The following STEAP4 variants were observed in gnomAD, a reference collection of about 807,000 sequenced individuals.
The protein encoded by STEAP4 is metalloreductase STEAP4.
STEAP4 carries 36 observed loss-of-function variants against 43.6 expected under a neutral mutation model. The observed-to-expected ratio is 0.83, with a 90% confidence interval of 0.63 to 1.09. The LOEUF is 1.09. STEAP4 is among the 50% of genes least tolerant of loss of function. The pLI is 0.00. For synonymous variants in STEAP4, 191 were observed against 196.7 expected (o/e 0.97, Z 0.24); for missense variants, 495 against 546.5 (o/e 0.91, Z 0.94).
chr7:88,282,464 G>C, intron 3 of STEAP4, 177 bp downstream of exon 3: 1 of 698,664 alleles, frequency 1.4e-6, no homozygotes, highest in Non-Finnish European at 2.3e-6. Context: ...ATTCTTAATA[G>C]TTGTATGAGA....
Position 88,279,467 on chromosome 7 carries a change from T to G in STEAP4, c.1311A>C (p.Leu437=). 6.2e-7 allele frequency: 1 copy of G among 1,614,124 alleles called. No homozygotes were observed. The highest frequency in any genetic ancestry group is 1.3e-5 in the African/African-American group (1 of 75,024). ...GGGTGTTGTCTACACATGGCATGAT[T>G]AGGACAAACTTGATCACCAGCACAG... ...PCTVLVIKFV[L]IMPCVDNTLT... is the part of the protein sequence containing the mutation. The change falls in exon 5 of 5, where the codon CTA becomes CTC. Residue 437 remains leucine (L), a synonymous_variant. Coordinates refer to ENST00000380079, the MANE Select transcript of STEAP4 (RefSeq NM_024636.4).
chr7:88,288,240 G>C (rs1298729379), intron 1 of STEAP4, among the ~76,000 whole-genome samples: 1 of 152,162 alleles, frequency 6.6e-6, no homozygotes, highest in African/African-American at 2.4e-5. Context: ...CTGTGATCTT[G>C]GCTCACTGCA....
At chr7:88,293,579 T>C (rs1852876571) in intron 1 of STEAP4, among the ~76,000 whole-genome samples, 1 of 152,186 alleles carries the variant, frequency 6.6e-6, no homozygotes, top group African/African-American at 2.4e-5. Flanking sequence ...GTTTTACTTA[T>C]AAGTCTATGA....
At chr7:88,281,380 T>G in intron 3 of STEAP4, 1 of 206,188 alleles carries the variant, frequency 4.8e-6, no homozygotes, top group Non-Finnish European at 9.6e-6. Context: ...CTGCATTTTG[T>G]TCCCCAAGCA....
At position 88,273,731 on chromosome 7, in the gene STEAP4, T is replaced by G. The variant is rs544218476; in HGVS notation, c.*5667A>C. ...GACTGCCCCTTCGAGTCCTCAGGTC[T>G]GGGGATTTTACCTCCCTCCACCAGA... On this transcript the variant is annotated 3_prime_UTR_variant, in exon 5 of 5. Coordinates refer to ENST00000380079, the MANE Select transcript of STEAP4 (RefSeq NM_024636.4). 1.3e-5 allele frequency: 2 copies of G among 152,178 alleles called. No homozygotes were observed. The highest frequency in any genetic ancestry group is 4.8e-5 in the African/African-American group (2 of 41,462). The allele number at this position is 152,178 out of a possible 1,614,324, so 9.4% of individuals were successfully genotyped here. A position where few individuals can be genotyped will look rare whatever the true frequency, so the allele number is the denominator to read the frequency against.
chr7:88,286,782 C>CACAT (rs1852743449), intron 1 of STEAP4, among the ~76,000 whole-genome samples: 1 of 147,804 alleles, frequency 6.8e-6, no homozygotes, highest in Middle Eastern at 3.4e-3. Context: ...CACACACACA[C>CACAT]ACACACACAC....
At position 88,271,552 on chromosome 7, in the gene STEAP4, T is replaced by C. The variant is rs1852439084; in HGVS notation, c.*7846A>G. On this transcript the variant is annotated 3_prime_UTR_variant, in exon 5 of 5. Transcript: ENST00000380079. ...AAAGCATCATAGTTTCCTTAACCAG[T>C]CCCAAAGATGAATGCTTGAATCACT... 1 of 152,228 alleles carries C rather than the reference T, an allele frequency of 6.6e-6. No homozygotes were observed. The allele number at this position is 152,228 out of a possible 1,614,324, so 9.4% of individuals were successfully genotyped here. A position where few individuals can be genotyped will look rare whatever the true frequency, so the allele number is the denominator to read the frequency against.
chr7:88,294,675 C>A (rs1586751237), intron 1 of STEAP4, among the ~76,000 whole-genome samples: 1 of 152,052 alleles, frequency 6.6e-6, no homozygotes, highest in East Asian at 1.9e-4. Flanking sequence ...CTAACCATAT[C>A]TCTTCTAAAT....
At position 88,279,567 on chromosome 7, in the gene STEAP4, T is replaced by C; in HGVS notation, c.1211A>G (p.Lys404Arg). 6.2e-7 allele frequency: 1 copy of C among 1,613,784 alleles called. No individual in the cohort carries two copies. The highest frequency in any genetic ancestry group is 8.5e-7 in the Non-Finnish European group (1 of 1,179,790). Reference protein sequence around the residue: ...CTAHTLVYGGKRFLSPSNLRW... With the variant: ...CTAHTLVYGGRRFLSPSNLRW... ...GAGATTTGAAGGGCTGAGGAATCTC[T>C]TCCCACCGTACACCAGGGTGTGGGC... Residue 404 changes from lysine (K) to arginine (R), a missense_variant, in exon 5 of 5, where the codon AAG becomes AGG. Coordinates refer to ENST00000380079, the MANE Select transcript of STEAP4 (RefSeq NM_024636.4).
At position 88,302,271 on chromosome 7, in the gene STEAP4, G is replaced by C. The variant is rs535888829; in HGVS notation, c.-3+4521C>G. 7.9e-5 allele frequency among the ~76,000 whole-genome samples: 12 copies of C among 152,318 alleles called. No individual in the cohort carries two copies. In the South Asian group the frequency reaches 2.5e-3, roughly 32 times the overall value. ...TTTATTGAATAGCCACACTAAGAGG[G>C]ATAAAGTGAGAAACGAGATGGACCC... On this transcript the variant is annotated intron_variant, in intron 1 of 4. Transcript: ENST00000380079.
intron 3 of STEAP4, 119 bp downstream of exon 3, chr7:88,282,522 A>T: frequency 2.1e-6 from 2 of 938,624 alleles, no homozygotes; most frequent in Non-Finnish European, 3.1e-6. Context: ...TTCTAATTCT[A>T]GTTACTTTAA....
intron 1 of STEAP4, among the ~76,000 whole-genome samples, chr7:88,302,941 G>C (rs1156881480): frequency 8.6e-6 from 1 of 116,172 alleles, no homozygotes; most frequent in Non-Finnish European, 1.6e-5. Flanking sequence ...GTGAAGGAGT[G>C]AGACTGTCTC....
chr7:88,303,211 TCC>T (rs1853069869), intron 1 of STEAP4, among the ~76,000 whole-genome samples: 1 of 105,658 alleles, frequency 9.5e-6, no homozygotes, highest in Non-Finnish European at 2.1e-5. Flanking sequence ...AAAAAAAAAC[TCC>T]AACCGGGCGC....
In STEAP4 at chr7:88,284,172, G is replaced by A; in HGVS notation, c.98C>T (p.Ser33Leu). ...ACACTGGAGCATTTTCAATCCCAGT[G>A]ATCTTCCAAAATCACCAGTTCCAAA... ...CIFGTGDFGR[S>L]LGLKMLQCGY... Residue 33 changes from serine to leucine, a missense_variant, in exon 2 of 5, where the codon TCA (serine) becomes TTA (leucine). Coordinates refer to ENST00000380079, the MANE Select transcript of STEAP4 (RefSeq NM_024636.4). The A allele has an allele frequency of 5.0e-6, 8 of 1,614,070 alleles. No individual in the cohort carries two copies. Among genetic ancestry groups the A allele is most frequent in the Non-Finnish European group, 5.9e-6 (7 of 1,180,014 alleles).
At chr7:88,293,482 A>T (rs1054110421) in intron 1 of STEAP4, among the ~76,000 whole-genome samples, 2 of 151,662 alleles carry the variant, frequency 1.3e-5, no homozygotes, top group African/African-American at 4.8e-5. Flanking sequence ...AATTTATTTA[A>T]TTTTTTTTCT....
Position 88,284,265 on chromosome 7 carries a change from T to A in STEAP4, c.5A>T (p.Glu2Val). The A allele has an allele frequency of 1.3e-6, 2 of 1,564,820 alleles. No homozygotes were observed. The highest frequency in any genetic ancestry group is 2.7e-5 in the African/African-American group (2 of 73,024). ...AGGAAGTGCATCTATACAAGTTTTC[T>A]CCATAACTGAAAAATAATAACACAA... M[E>V]KTCIDALPLT... Residue 2 changes from glutamate to valine, a missense_variant, in exon 2 of 5, where the codon GAG becomes GTG. Transcript: ENST00000380079.
intron 3 of STEAP4, 192 bp downstream of exon 3, chr7:88,282,448 AC>A (rs2115955852): frequency 1.6e-6 from 1 of 634,362 alleles, no homozygotes; most frequent in Non-Finnish European, 2.6e-6. Context: ...CCCCCGGCAA[AC>A]TTTTATTCTT....
rs1335813127 is a variant in STEAP4 at position 88,284,012 on chromosome 7, A to G, written c.258T>C (p.Tyr86=). 6.2e-7 allele frequency: 1 copy of G among 1,614,160 alleles called. No homozygotes were observed. ...CCTCAGTTAATTCTGTGAGAAAATCATAATGCTCTCTGTGGATTGCTATGA... is the reference window on the plus strand; with the variant it reads ...CCTCAGTTAATTCTGTGAGAAAATCGTAATGCTCTCTGTGGATTGCTATGA... The part of the protein sequence containing the change: ...IIIIAIHREH[Y]DFLTELTEVL... The change falls in exon 2 of 5, where the codon TAT becomes TAC. Residue 86 remains tyrosine (Y), a synonymous_variant. Transcript: ENST00000380079.
At position 88,299,053 on chromosome 7, in the gene STEAP4, C is replaced by T. The variant is rs79574036; in HGVS notation, c.-3+7739G>A. On this transcript the variant is annotated intron_variant, in intron 1 of 4. Coordinates refer to ENST00000380079, the MANE Select transcript of STEAP4 (RefSeq NM_024636.4). The stretch of plus-strand genomic sequence containing the variant: ...AGCTATGAACTAACTATGTCATATG[C>T]GGCAACTAAAGTGATTGTTAGTAAT... 3.7e-3 allele frequency among the ~76,000 whole-genome samples: 557 copies of T among 152,064 alleles called. 5 individuals are homozygous for T. The highest frequency in any genetic ancestry group is 0.013 in the African/African-American group (534 of 41,462).
Sources: allele counts gnomAD v4.1 joint callset (sites outside exome capture counted in the v4.1 genomes callset), GRCh38; gene constraint gnomAD v4.1.1; transcripts MANE v1.5; gene names NCBI Gene and HGNC (gene_info 2026-07-23, HGNC 2026-07-21).